SYT16: variants seen among roughly 807,000 people sequenced by gnomAD.
SYT16 encodes synaptotagmin 16, also known as synaptotagmin-16.
Under a neutral mutation model 61.4 loss-of-function variants are expected in SYT16, and 42 were observed. The ratio of observed to expected loss-of-function variants is 0.68; its 90% CI spans 0.53 to 0.89. SYT16 has a LOEUF of 0.89. Ranked by LOEUF, SYT16 falls within the 40% of genes least tolerant of loss-of-function variation. SYT16 has a pLI of 0.00. For synonymous variants in SYT16, 314 were observed against 302.3 expected, an observed-to-expected ratio of 1.04 and a Z score of -0.40; for missense variants, 804 against 807.3, an observed-to-expected ratio of 1.00 and a Z score of 0.05.
intron 1 of SYT16, among the ~76,000 whole-genome samples, chr14:61,937,062 G>C (rs940858601): frequency 1.3e-5 from 2 of 152,204 alleles, no homozygotes; most frequent in Non-Finnish European, 2.9e-5. Context: ...TGCCAGGAAC[G>C]GTGCTATCAC....
chr14:61,869,599 CA>C (rs1488254229), intron 1 of SYT16, among the ~76,000 whole-genome samples: 1 of 152,152 alleles, frequency 6.6e-6, no homozygotes, highest in Non-Finnish European at 1.5e-5. Flanking sequence ...GTTATACACC[CA>C]ACTGCTGTGG....
intron 1 of SYT16, among the ~76,000 whole-genome samples, chr14:61,888,403 C>T (rs1461399874): frequency 6.6e-6 from 1 of 152,148 alleles, no homozygotes; most frequent in Non-Finnish European, 1.5e-5. Flanking sequence ...CAGGCATGAG[C>T]CACCATGCCC....
At chr14:61,927,145 T>G (rs890972708) in intron 1 of SYT16, among the ~76,000 whole-genome samples, 2 of 152,230 alleles carry the variant, frequency 1.3e-5, no homozygotes, top group African/African-American at 2.4e-5. Flanking sequence ...GTTTTACCTA[T>G]GCAAAAGCAG....
chr14:61,939,542 T>C (rs2050126622), intron 1 of SYT16, among the ~76,000 whole-genome samples: 1 of 152,230 alleles, frequency 6.6e-6, no homozygotes, highest in Non-Finnish European at 1.5e-5. Context: ...GGCCATCTCC[T>C]TCTGTCTTCA....
chr14:62,028,298 A>G (rs570313874), intron 3 of SYT16, among the ~76,000 whole-genome samples: 41 of 152,340 alleles, frequency 2.7e-4, no homozygotes, highest in South Asian at 2.7e-3. Context: ...TATAATCACT[A>G]TCGCTTCCTG....
At chr14:61,985,083 G>A (rs1427351256) in intron 2 of SYT16, among the ~76,000 whole-genome samples, 5 of 152,100 alleles carry the variant, frequency 3.3e-5, no homozygotes, top group Non-Finnish European at 7.4e-5. Flanking sequence ...GCCAGACACA[G>A]AAGCATTGAG....
intron 3 of SYT16, among the ~76,000 whole-genome samples, chr14:62,004,382 C>A (rs1222731478): frequency 6.6e-6 from 1 of 152,080 alleles, no homozygotes; most frequent in African/African-American, 2.4e-5. Context: ...CAATCACCTC[C>A]CACCTTGTCC....
intron 1 of SYT16, among the ~76,000 whole-genome samples, chr14:61,828,933 C>T (rs1472433442): frequency 3.4e-4 from 51 of 152,170 alleles, no homozygotes; most frequent in Admixed American, 3.3e-3. Flanking sequence ...AACACCACCA[C>T]CAACTGGACC....
At chr14:62,097,768 T>C (rs1374575376) in intron 7 of SYT16, among the ~76,000 whole-genome samples, 1 of 152,236 alleles carries the variant, frequency 6.6e-6, no homozygotes, top group East Asian at 1.9e-4. Flanking sequence ...AATACTCTTA[T>C]GGCAGGATAA....
At chr14:61,922,925 T>C (rs2049389478) in intron 1 of SYT16, among the ~76,000 whole-genome samples, 1 of 151,894 alleles carries the variant, frequency 6.6e-6, no homozygotes, top group Non-Finnish European at 1.5e-5. Context: ...GGCAGGTGCC[T>C]GTAATCCCAG....
At chr14:62,026,512 G>C (rs1371340307) in intron 3 of SYT16, among the ~76,000 whole-genome samples, 1 of 152,158 alleles carries the variant, frequency 6.6e-6, no homozygotes, top group Non-Finnish European at 1.5e-5. Flanking sequence ...AAGTGTCTTA[G>C]TCCTATTCAG....
chr14:61,822,220 C>G (rs948968951), intron 1 of SYT16, among the ~76,000 whole-genome samples: 3 of 152,216 alleles, frequency 2.0e-5, no homozygotes, highest in Admixed American at 6.5e-5. Context: ...AATCCAAAAG[C>G]TGAAGAACCT....
intron 3 of SYT16, among the ~76,000 whole-genome samples, chr14:62,009,070 T>C (rs1333149719): frequency 2.6e-5 from 4 of 152,194 alleles, no homozygotes; most frequent in Non-Finnish European, 4.4e-5. Context: ...CCTTGCTTTA[T>C]CTTTAGATGG....
At chr14:61,885,901 T>C (rs2047881340) in intron 1 of SYT16, among the ~76,000 whole-genome samples, 1 of 152,150 alleles carries the variant, frequency 6.6e-6, no homozygotes, top group South Asian at 2.1e-4. Context: ...GGGTTTTGCT[T>C]CGATGTTGAT....
intron 1 of SYT16, among the ~76,000 whole-genome samples, chr14:61,907,019 T>C (rs959545252): frequency 6.6e-6 from 1 of 152,212 alleles, no homozygotes; most frequent in African/African-American, 2.4e-5. Flanking sequence ...TTATGATGGA[T>C]ATAAAAAATA....
intron 1 of SYT16, among the ~76,000 whole-genome samples, chr14:61,823,287 G>A (rs933577026): frequency 6.6e-6 from 1 of 151,990 alleles, no homozygotes; most frequent in African/African-American, 2.4e-5. Flanking sequence ...CACTGCGCCT[G>A]GCCTATTTTT....
intron 1 of SYT16, among the ~76,000 whole-genome samples, chr14:61,850,443 AT>A (rs1160062959): frequency 6.6e-6 from 1 of 151,146 alleles, no homozygotes; most frequent in Non-Finnish European, 1.5e-5. Context: ...CCTAATTTGC[AT>A]TTTTCTGATA....
At chr14:62,073,523 T>C (rs1035630992) in intron 4 of SYT16, among the ~76,000 whole-genome samples, 1 of 152,214 alleles carries the variant, frequency 6.6e-6, no homozygotes, top group East Asian at 1.9e-4. Context: ...AAAGTCTGGA[T>C]GTAAAAATTT....
chr14:61,985,597 A>G (rs1449525132), intron 2 of SYT16, among the ~76,000 whole-genome samples: 1 of 152,196 alleles, frequency 6.6e-6, no homozygotes, highest in African/African-American at 2.4e-5. Flanking sequence ...TAGAAGTGAA[A>G]CTGGGAAATA....
Sources: allele counts gnomAD v4.1 joint callset (sites outside exome capture counted in the v4.1 genomes callset), GRCh38; gene constraint gnomAD v4.1.1; transcripts MANE v1.5; gene names NCBI Gene and HGNC (gene_info 2026-07-23, HGNC 2026-07-21).